Variants in RBPMS observed in about 807,000 individuals in gnomAD.
RBPMS encodes the protein RNA binding protein, mRNA processing factor.
In RBPMS, 7 loss-of-function variants were observed where a neutral mutation model predicts 26.8. The ratio of observed to expected loss-of-function variants is 0.26; its 90% CI spans 0.15 to 0.49. RBPMS has a LOEUF of 0.49. Ranked by LOEUF, RBPMS falls within the 20% of genes least tolerant of loss-of-function variation. The pLI is 0.98. For missense variants in RBPMS, 186 were observed against 250.0 expected (o/e 0.74, Z 1.73); for synonymous variants, 96 against 93.3 (o/e 1.03, Z -0.17).
intron 4 of RBPMS, among the ~76,000 whole-genome samples, chr8:30,492,580 G>A (rs528585061): frequency 2.0e-5 from 3 of 152,198 alleles, no homozygotes; most frequent in Middle Eastern, 3.4e-3. Context: ...TTTGTACTTG[G>A]CAGAAGCTGT....
At chr8:30,391,639 G>A (rs1807803394) in intron 1 of RBPMS, among the ~76,000 whole-genome samples, 1 of 152,146 alleles carries the variant, frequency 6.6e-6, no homozygotes, top group Admixed American at 6.5e-5. Flanking sequence ...TTGTCATATG[G>A]GGATAACTCC....
intron 6 of RBPMS, among the ~76,000 whole-genome samples, chr8:30,557,566 C>G (rs758237277): frequency 1.3e-5 from 2 of 152,166 alleles, no homozygotes; most frequent in African/African-American, 4.8e-5. Context: ...GCCTCCCAGA[C>G]CCCCCTGCAC....
chr8:30,547,200 C>T, intron 6 of RBPMS: 1 of 895,432 alleles, frequency 1.1e-6, no homozygotes, highest in African/African-American at 1.7e-5. Flanking sequence ...TTTTGGAAAT[C>T]TTATAATGTC....
chr8:30,394,008 A>G (rs530530674), intron 1 of RBPMS, among the ~76,000 whole-genome samples: 1 of 78,808 alleles, frequency 1.3e-5, no homozygotes, highest in African/African-American at 5.1e-5. Flanking sequence ...AGAAAAAGGA[A>G]ATGGCAGTGA....
At chr8:30,494,447 C>G (rs1262468618) in intron 4 of RBPMS, among the ~76,000 whole-genome samples, 1 of 146,146 alleles carries the variant, frequency 6.8e-6, no homozygotes, top group Non-Finnish European at 1.5e-5. Flanking sequence ...TTTACAAGAT[C>G]TCATTTAATC....
intron 7 of RBPMS, chr8:30,564,907 A>G (rs1324905176): frequency 3.9e-5 from 6 of 151,982 alleles, no homozygotes; most frequent in Non-Finnish European, 5.9e-5. Context: ...TCCTGGGGAC[A>G]TGGAGGAGAG....
At chr8:30,392,201 A>T (rs1487214599) in intron 1 of RBPMS, among the ~76,000 whole-genome samples, 1 of 152,166 alleles carries the variant, frequency 6.6e-6, no homozygotes, top group East Asian at 1.9e-4. Flanking sequence ...GAGCTGTGTC[A>T]CAGAAAGCTT....
At chr8:30,387,933 G>T (rs1371461484) in intron 1 of RBPMS, among the ~76,000 whole-genome samples, 2 of 152,100 alleles carry the variant, frequency 1.3e-5, no homozygotes, top group African/African-American at 4.8e-5. Flanking sequence ...GCTTTTTAGG[G>T]TTGGAAGTTT....
At chr8:30,549,644 GC>G in intron 6 of RBPMS, 1 of 1,337,396 alleles carries the variant, frequency 7.5e-7, no homozygotes, top group Non-Finnish European at 1.1e-6. Flanking sequence ...GGACGGGGAG[GC>G]CAGGCCTCAT....
intron 1 of RBPMS, among the ~76,000 whole-genome samples, chr8:30,463,580 T>G (rs1041321061): frequency 6.6e-6 from 1 of 152,246 alleles, no homozygotes; most frequent in South Asian, 2.1e-4. Flanking sequence ...AGTCATACAC[T>G]GTCACTTCTG....
chr8:30,538,551 C>T (rs994173807), intron 5 of RBPMS, among the ~76,000 whole-genome samples: 5 of 152,150 alleles, frequency 3.3e-5, no homozygotes, highest in South Asian at 2.1e-4. Flanking sequence ...GCACCGCGCC[C>T]GGCAACAATC....
rs148725900 is a variant in RBPMS at position 30,529,281 on chromosome 8, A to G, written c.398-15213A>G. Among the ~76,000 whole-genome samples the G allele has an allele frequency of 5.3e-3, 813 of 152,216 alleles. 10 individuals carry two copies. Among genetic ancestry groups the G allele is most frequent in the African/African-American group, 0.019 (771 of 41,530 alleles). On this transcript the variant is annotated intron_variant, in intron 5 of 8. Coordinates refer to ENST00000397323, the MANE Select transcript of RBPMS (RefSeq NM_001008710.3). ...AACCTGCCATTTTTTTTAGTGTACA[A>G]TTCAGTGACATCAATTATATTCACA...
intron 5 of RBPMS, among the ~76,000 whole-genome samples, chr8:30,514,786 A>G (rs1348496083): frequency 1.4e-5 from 2 of 145,846 alleles, no homozygotes; most frequent in African/African-American, 2.6e-5. Context: ...TTGGCCTCCC[A>G]TAGTGCTGGG....
chr8:30,390,806 C>CT (rs1807709322), intron 1 of RBPMS, among the ~76,000 whole-genome samples: 1 of 152,100 alleles, frequency 6.6e-6, no homozygotes. Context: ...TGTTCAACAC[C>CT]TACCCCAGCA....
chr8:30,497,915 C>T (rs184008194), intron 4 of RBPMS, among the ~76,000 whole-genome samples: 1 of 151,976 alleles, frequency 6.6e-6, no homozygotes, highest in East Asian at 1.9e-4. Context: ...ATCCACCAAG[C>T]CCGGCCACAA....
intron 6 of RBPMS, chr8:30,556,243 C>T (rs1826897476): frequency 3.0e-6 from 3 of 985,454 alleles, no homozygotes; most frequent in Non-Finnish European, 2.4e-6. Flanking sequence ...CCTCACTCCT[C>T]AGCTGAGCAC....
chr8:30,532,600 C>T (rs539119553), intron 5 of RBPMS, among the ~76,000 whole-genome samples: 1 of 152,132 alleles, frequency 6.6e-6, no homozygotes, highest in Non-Finnish European at 1.5e-5. Flanking sequence ...GGAGAAACAC[C>T]GGTTTGACTT....
intron 4 of RBPMS, among the ~76,000 whole-genome samples, chr8:30,496,509 A>G (rs1484557713): frequency 1.3e-5 from 2 of 152,152 alleles, no homozygotes; most frequent in African/African-American, 4.8e-5. Context: ...GTAGGGGGAA[A>G]GGGCAATGAG....
chr8:30,519,478 T>C lies in RBPMS; in HGVS notation c.397+15042T>C, dbSNP rs1585742913. Among the ~76,000 whole-genome samples, 7 of 26,898 alleles carry C rather than the reference T, an allele frequency of 2.6e-4. No homozygotes were observed. In the South Asian group the frequency reaches 4.9e-3, roughly 19 times the overall value. 17.6% of individuals were successfully genotyped at this position (26,898 alleles called of 152,430 possible). A position where few individuals can be genotyped will look rare whatever the true frequency, so the allele number is the denominator to read the frequency against. On this transcript the variant is annotated intron_variant, in intron 5 of 8. Transcript: ENST00000397323. ...TCTCTCTTTTTTTTTTTTTTTTTTT[T>C]TTTTTTTTTTTTTTTTTTTTTTGGA...
Sources: gnomAD v4.1 joint callset for allele counts (sites outside exome capture counted in the v4.1 genomes callset) on GRCh38, gnomAD v4.1.1 for gene constraint, MANE v1.5 for transcripts, NCBI Gene and HGNC (gene_info 2026-07-23, HGNC 2026-07-21) for gene names.